Variants in DLC1 observed in about 807,000 individuals in gnomAD.
DLC1 encodes the protein DLC1 Rho GTPase activating protein.
DLC1 carries 54 observed loss-of-function variants against 140.3 expected under a neutral mutation model. The observed-to-expected ratio is 0.38, with a 90% confidence interval of 0.31 to 0.48. The LOEUF is 0.48. Among genes scored for constraint, DLC1 ranks in the 20% least tolerant of loss-of-function variants. DLC1 has a pLI of 0.96. For missense variants in DLC1, 2,536 were observed against 1,907.0 expected, an observed-to-expected ratio of 1.33 and a Z score of -6.14; for synonymous variants, 986 against 728.1, an observed-to-expected ratio of 1.35 and a Z score of -5.70.
chr8:13,420,592 G>A (rs1165024843), intron 2 of DLC1, among the ~76,000 whole-genome samples: 1 of 151,974 alleles, frequency 6.6e-6, no homozygotes, highest in East Asian at 1.9e-4. Context: ...CCGGGTGTGT[G>A]ATGTTCCCCT....
chr8:13,593,153 A>T (rs1805573787), intron 1 of DLC1, among the ~76,000 whole-genome samples: 1 of 152,096 alleles, frequency 6.6e-6, no homozygotes, highest in Non-Finnish European at 1.5e-5. Context: ...TTTTAATAAG[A>T]GCCATCACCC....
intron 1 of DLC1, among the ~76,000 whole-genome samples, chr8:13,520,443 G>A (rs1016744325): frequency 5.9e-5 from 9 of 152,150 alleles, no homozygotes; most frequent in African/African-American, 1.9e-4. Flanking sequence ...CGGACACAGG[G>A]AGGGGAACAT....
chr8:13,498,805 C>A (rs1043845035), intron 2 of DLC1: 3 of 398,766 alleles, frequency 7.5e-6, no homozygotes, highest in Non-Finnish European at 1.3e-5. Flanking sequence ...GTTTTCAACA[C>A]AATTCTGAAA....
rs759873818 is a variant in DLC1 at position 13,444,444 on chromosome 8, TTAA to T, written c.1024-42828_1024-42826del. On this transcript the variant is annotated intron_variant, in intron 2 of 17. Coordinates refer to ENST00000276297, the MANE Select transcript of DLC1 (RefSeq NM_182643.3). ...GCACATGTACTCTAGAACTTAACGT[TTAA>T]TAATAAAAAAAAGAATTCCTGGTTT... Among the ~76,000 whole-genome samples the T allele has an allele frequency of 4.1e-4, 62 of 152,160 alleles. 1 individual carries two copies. The Middle Eastern group carries it at 0.014, about 33-fold the overall frequency.
chr8:13,567,333 AT>A, intron 1 of DLC1: 2 of 1,551,768 alleles, frequency 1.3e-6, no homozygotes, highest in Non-Finnish European at 8.7e-7. Context: ...TCACTCGGGT[AT>A]CAGATGAAGA....
chr8:13,307,726 T>C (rs1031737534), intron 4 of DLC1, among the ~76,000 whole-genome samples: 2 of 152,216 alleles, frequency 1.3e-5, no homozygotes, highest in Non-Finnish European at 2.9e-5. Context: ...GCTTAGTTTG[T>C]GTATGACCCA....
intron 1 of DLC1, among the ~76,000 whole-genome samples, chr8:13,551,075 C>CACACACACTTT (rs71207163): frequency 0.02 from 2,464 of 121,644 alleles, 74 homozygotes; most frequent in East Asian, 0.072. Flanking sequence ...CACACACACA[C>CACACACACTTT]TTTTTTTTTT....
intron 5 of DLC1, among the ~76,000 whole-genome samples, chr8:13,128,282 G>A (rs1013348815): frequency 2.6e-5 from 4 of 152,060 alleles, no homozygotes; most frequent in Admixed American, 6.5e-5. Flanking sequence ...ACATTATTTC[G>A]TACAGTCAAC....
intron 5 of DLC1, among the ~76,000 whole-genome samples, chr8:13,302,810 C>T (rs1057247054): frequency 6.6e-6 from 1 of 151,648 alleles, no homozygotes; most frequent in Non-Finnish European, 1.5e-5. Context: ...GGTCTCCTGC[C>T]TTCATGGCCA....
At chr8:13,137,140 A>G (rs1408958174) in intron 5 of DLC1, among the ~76,000 whole-genome samples, 2 of 152,202 alleles carry the variant, frequency 1.3e-5, no homozygotes, top group Non-Finnish European at 2.9e-5. Flanking sequence ...GGGGAAGGAA[A>G]GTGAAAAAAT....
At chr8:13,565,332 A>G (rs937186221) in intron 1 of DLC1, among the ~76,000 whole-genome samples, 2 of 152,226 alleles carry the variant, frequency 1.3e-5, no homozygotes, top group Non-Finnish European at 2.9e-5. Context: ...TCCCTTGTTC[A>G]ATGTTATGGA....
chr8:13,533,477 A>G (rs576208935), intron 1 of DLC1, among the ~76,000 whole-genome samples: 98 of 152,230 alleles, frequency 6.4e-4, no homozygotes, highest in African/African-American at 1.8e-3. Context: ...ATGAACTACA[A>G]CTCATATGTA....
chr8:13,546,371 T>C (rs1201057460), intron 1 of DLC1, among the ~76,000 whole-genome samples: 2 of 152,160 alleles, frequency 1.3e-5, no homozygotes, highest in African/African-American at 2.4e-5. Flanking sequence ...AAAAACTATT[T>C]TAATATGATG....
At position 13,296,735 on chromosome 8, in the gene DLC1, G is replaced by A. The variant is rs1053581348; in HGVS notation, c.1348+8534C>T. 4.6e-5 allele frequency among the ~76,000 whole-genome samples: 7 copies of A among 151,692 alleles called. No individual in the cohort carries two copies. The East Asian group carries it at 1.2e-3, about 25-fold the overall frequency. ...GGTTTCTGCTTTCAAGGAGCTCTTAGCCTGATATAGCATAAAATTCAAGAA... is the reference window on the plus strand; with the variant it reads ...GGTTTCTGCTTTCAAGGAGCTCTTAACCTGATATAGCATAAAATTCAAGAA... On this transcript the variant is annotated intron_variant, in intron 5 of 17. Coordinates refer to ENST00000276297, the MANE Select transcript of DLC1 (RefSeq NM_182643.3).
chr8:13,222,037 G>A (rs554961557), intron 5 of DLC1, among the ~76,000 whole-genome samples: 3 of 148,900 alleles, frequency 2.0e-5, no homozygotes, highest in Admixed American at 6.8e-5. Flanking sequence ...AAACTTAGCT[G>A]TTCTAAGAAC....
intron 5 of DLC1, among the ~76,000 whole-genome samples, chr8:13,258,233 C>T (rs941505207): frequency 6.6e-6 from 1 of 152,170 alleles, no homozygotes. Flanking sequence ...CCTTCACATT[C>T]TTCTTTAGGG....
intron 4 of DLC1, among the ~76,000 whole-genome samples, chr8:13,353,999 C>T (rs1834804785): frequency 6.6e-6 from 1 of 151,934 alleles, no homozygotes; most frequent in African/African-American, 2.4e-5. Context: ...TGACTTTCTT[C>T]ACATTTCCAC....
intron 2 of DLC1, among the ~76,000 whole-genome samples, chr8:13,495,752 G>T (rs1364306275): frequency 1.3e-5 from 2 of 152,162 alleles, no homozygotes; most frequent in African/African-American, 2.4e-5. Flanking sequence ...GCAAAACGAT[G>T]AATGCCTGCT....
intron 2 of DLC1, among the ~76,000 whole-genome samples, chr8:13,420,403 T>G (rs1281032441): frequency 6.6e-6 from 1 of 152,166 alleles, no homozygotes; most frequent in Non-Finnish European, 1.5e-5. Flanking sequence ...ACTGACTATT[T>G]TTTTTAAACT....
Sources: allele counts gnomAD v4.1 joint callset (sites outside exome capture counted in the v4.1 genomes callset), GRCh38; gene constraint gnomAD v4.1.1; transcripts MANE v1.5; gene names NCBI Gene and HGNC (gene_info 2026-07-23, HGNC 2026-07-21).